PPP2R2C: variants seen among roughly 807,000 people sequenced by gnomAD.
The protein encoded by PPP2R2C is protein phosphatase 2 regulatory subunit Bgamma.
In PPP2R2C, 10 loss-of-function variants were observed where a neutral mutation model predicts 45.3. The ratio of observed to expected loss-of-function variants is 0.22; its 90% CI spans 0.14 to 0.37. The LOEUF is 0.37. Ranked by LOEUF, PPP2R2C falls within the 10% of genes least tolerant of loss-of-function variation. PPP2R2C has a pLI of 1.00. For missense variants in PPP2R2C, 308 were observed against 619.7 expected (o/e 0.50, Z 5.34); for synonymous variants, 257 against 245.4 (o/e 1.05, Z -0.44).
chr4:6,394,696 C>T (rs764087083), intron 1 of PPP2R2C, among the ~76,000 whole-genome samples: 4 of 152,228 alleles, frequency 2.6e-5, no homozygotes, highest in African/African-American at 7.2e-5. Context: ...GAGTCTCAGC[C>T]GGGCCAGATG....
chr4:6,422,148 T>C (rs1013946843), intron 1 of PPP2R2C, among the ~76,000 whole-genome samples: 6 of 152,102 alleles, frequency 3.9e-5, no homozygotes, highest in African/African-American at 9.6e-5. Context: ...AAAGGGGGAA[T>C]TGAGACCCAA....
intron 1 of PPP2R2C, among the ~76,000 whole-genome samples, chr4:6,444,180 G>T (rs1434826003): frequency 6.6e-6 from 1 of 152,214 alleles, no homozygotes; most frequent in Non-Finnish European, 1.5e-5. Context: ...CTCACCATGT[G>T]CCTAACATGG....
intron 2 of PPP2R2C, among the ~76,000 whole-genome samples, chr4:6,507,044 G>A (rs1723260725): frequency 6.6e-6 from 1 of 152,210 alleles, no homozygotes; most frequent in East Asian, 1.9e-4. Flanking sequence ...GATCAAGGAT[G>A]ACTCCTAGGT....
At chr4:6,356,007 A>G (rs1577101000) in intron 5 of PPP2R2C, among the ~76,000 whole-genome samples, 1 of 151,038 alleles carries the variant, frequency 6.6e-6, no homozygotes, top group East Asian at 1.9e-4. Context: ...AAAAAAAAAA[A>G]AAAAAAAAAG....
intron 5 of PPP2R2C, among the ~76,000 whole-genome samples, chr4:6,361,027 T>C (rs6851735): frequency 0.92 from 140,442 of 152,238 alleles, 65,413 homozygotes; most frequent in East Asian, 1. Context: ...TTAACTTAAT[T>C]ACCCCTTTAA....
rs1334164963 is a variant in PPP2R2C at position 6,444,964 on chromosome 4, C to T, written c.70+27196G>A. Among the ~76,000 whole-genome samples, 3 of 152,186 alleles carry T rather than the reference C, an allele frequency of 2.0e-5. No homozygotes were observed. The South Asian group carries it at 6.2e-4, about 32-fold the overall frequency. On this transcript the variant is annotated intron_variant, in intron 1 of 8. Coordinates refer to ENST00000382599, the MANE Select transcript of PPP2R2C (RefSeq NM_020416.4). ...CTTTGAGAGGCCAAGGCAGGTGGAT[C>T]CCTTCAGCCTAGGGGTTCCAGATCA...
chr4:6,394,865 G>A (rs576081909), intron 1 of PPP2R2C, among the ~76,000 whole-genome samples: 9 of 152,332 alleles, frequency 5.9e-5, no homozygotes, highest in East Asian at 5.8e-4. Flanking sequence ...TCACATCAGC[G>A]TGTCCATCAG....
rs749799319 is a variant in PPP2R2C at position 6,377,473 on chromosome 4, T to C, written c.334+934A>G. Among the ~76,000 whole-genome samples the C allele has an allele frequency of 4.4e-4, 67 of 151,962 alleles. 2 individuals carry two copies. The highest frequency in any genetic ancestry group is 1.9e-3 in the Admixed American group (29 of 15,292). On this transcript the variant is annotated intron_variant, in intron 3 of 8. Coordinates refer to ENST00000382599, the MANE Select transcript of PPP2R2C (RefSeq NM_020416.4). ...GAGTTCGAGATCAACCTGGCCAACA[T>C]GTAGTGAAACCCCGTCTCTACTAAA...
rs1356127036 is a variant in PPP2R2C at position 6,472,534 on chromosome 4, G to C, written c.-305C>G. The stretch of plus-strand genomic sequence containing the variant: ...CGCCCGGCGGCGGGGCCTGGTGCCG[G>C]TGCGCCTGGCTGCGGCGACGGCGGC... On this transcript the variant is annotated 5_prime_UTR_variant, in exon 1 of 9. Coordinates refer to ENST00000382599, the MANE Select transcript of PPP2R2C (RefSeq NM_020416.4). 6.7e-6 allele frequency: 1 copy of C among 149,608 alleles called. No homozygotes were observed. The highest frequency in any genetic ancestry group is 2.4e-5 in the African/African-American group (1 of 40,876). 9.3% of individuals were successfully genotyped at this position (149,608 alleles called of 1,614,324 possible). A position where few individuals can be genotyped will look rare whatever the true frequency, so the allele number is the denominator to read the frequency against.
At chr4:6,512,365 G>A (rs1363974333) in intron 2 of PPP2R2C, among the ~76,000 whole-genome samples, 6 of 12,894 alleles carry the variant, frequency 4.7e-4, no homozygotes, top group Admixed American at 3.1e-3. Context: ...GCTGATGGTG[G>A]TGGTGGTGGT....
At chr4:6,371,506 G>A (rs1487155423) in intron 5 of PPP2R2C, among the ~76,000 whole-genome samples, 1 of 152,186 alleles carries the variant, frequency 6.6e-6, no homozygotes, top group African/African-American at 2.4e-5. Flanking sequence ...CCAGTTGCAT[G>A]GAGGCTCTCA....
At chr4:6,446,712 T>C (rs1030784953) in intron 1 of PPP2R2C, among the ~76,000 whole-genome samples, 2 of 152,028 alleles carry the variant, frequency 1.3e-5, no homozygotes, top group African/African-American at 4.8e-5. Context: ...CTGGTACACC[T>C]GCTCAGACTC....
chr4:6,460,168 C>T (rs920467681), intron 1 of PPP2R2C, among the ~76,000 whole-genome samples: 1 of 152,152 alleles, frequency 6.6e-6, no homozygotes, highest in Non-Finnish European at 1.5e-5. Context: ...CCCAAGATTC[C>T]TTTGTTGAAG....
Position 6,506,752 on chromosome 4 carries a change from T to C in PPP2R2C, c.49+28519A>G, listed in dbSNP as rs184535819. 1.2e-3 allele frequency among the ~76,000 whole-genome samples: 186 copies of C among 152,320 alleles called. 2 individuals carry two copies. The highest frequency in any genetic ancestry group is 4.3e-3 in the African/African-American group (177 of 41,574). On this transcript the variant is annotated intron_variant, in intron 2 of 9. Transcript: ENST00000506140. ...TCCTTCTTGGTGTTCCTCATGAAGT[T>C]GCAGACAGCAGTGGGGGCTGCACTC... is the stretch of plus-strand genomic sequence containing the variant.
At chr4:6,398,963 C>A (rs907994039) in intron 1 of PPP2R2C, among the ~76,000 whole-genome samples, 4 of 152,036 alleles carry the variant, frequency 2.6e-5, no homozygotes, top group Admixed American at 2.0e-4. Context: ...TTCAAAATAC[C>A]CACACTGAGT....
At chr4:6,437,180 T>C (rs1320771713) in intron 1 of PPP2R2C, among the ~76,000 whole-genome samples, 2 of 152,206 alleles carry the variant, frequency 1.3e-5, no homozygotes, top group African/African-American at 4.8e-5. Flanking sequence ...ATTTTGTACT[T>C]TGCTCACTGA....
chr4:6,357,715 C>G (rs1376828389), intron 5 of PPP2R2C, among the ~76,000 whole-genome samples: 1 of 152,196 alleles, frequency 6.6e-6, no homozygotes, highest in Non-Finnish European at 1.5e-5. Flanking sequence ...ACAAGGAGCT[C>G]CTCACCCTGG....
intron 2 of PPP2R2C, among the ~76,000 whole-genome samples, chr4:6,492,782 G>A (rs902840463): frequency 3.9e-5 from 6 of 152,144 alleles, no homozygotes; most frequent in African/African-American, 1.4e-4. Flanking sequence ...GGGGTTTGGA[G>A]AACACACAGC....
At chr4:6,405,283 C>T (rs1717720540) in intron 1 of PPP2R2C, among the ~76,000 whole-genome samples, 1 of 152,218 alleles carries the variant, frequency 6.6e-6, no homozygotes, top group Non-Finnish European at 1.5e-5. Flanking sequence ...GCTCCATAGC[C>T]ACTCTGCTCT....
Sources: gnomAD v4.1 joint callset for allele counts (sites outside exome capture counted in the v4.1 genomes callset) on GRCh38, gnomAD v4.1.1 for gene constraint, MANE v1.5 for transcripts, NCBI Gene and HGNC (gene_info 2026-07-23, HGNC 2026-07-21) for gene names.